TOR4A: variants seen among roughly 807,000 people sequenced by gnomAD.
TOR4A encodes the protein torsin-4A.
Under a neutral mutation model 11.5 loss-of-function variants are expected in TOR4A, and 12 were observed. The ratio of observed to expected loss-of-function variants is 1.04; its 90% CI spans 0.67 to 1.69. The LOEUF (loss-of-function observed/expected upper bound fraction) is 1.69. Among genes scored for constraint, TOR4A ranks in the 40% most tolerant of loss-of-function variants. TOR4A has a pLI of 0.00. For synonymous variants in TOR4A, 362 were observed against 307.4 expected, an observed-to-expected ratio of 1.18 and a Z score of -1.86; for missense variants, 640 against 643.2, an observed-to-expected ratio of 0.99 and a Z score of 0.05.
Position 137,279,180 on chromosome 9 carries a change from AGCCCGCT to A in TOR4A, c.495_501del (p.Ala166TyrfsTer7). 6.4e-7 allele frequency: 1 copy of A among 1,558,018 alleles called. No individual in the cohort carries two copies. The highest frequency in any genetic ancestry group is 8.7e-7 in the Non-Finnish European group (1 of 1,151,638). The stretch of plus-strand genomic sequence containing the variant: ...GCGCTGCAGCGCGCGGTGTTCGGCC[AGCCCGCT>A]GCCGTATCGCGCATCGTGGCGCTGA... On this transcript the variant is annotated frameshift_variant, in exon 2 of 2. Coordinates refer to ENST00000357503, the MANE Select transcript of TOR4A (RefSeq NM_017723.3). LOFTEE classifies it high-confidence loss of function.
At position 137,278,735 on chromosome 9, in the gene TOR4A, C is replaced by A; in HGVS notation, c.46C>A (p.Arg16=). The A allele has an allele frequency of 2.2e-6, 3 of 1,380,052 alleles. No homozygotes were observed. Among genetic ancestry groups the A allele is most frequent in the Non-Finnish European group, 2.8e-6 (3 of 1,072,518 alleles). The allele number at this position is 1,380,052 out of a possible 1,614,324, so 85.5% of individuals were successfully genotyped here. A position where few individuals can be genotyped will look rare whatever the true frequency, so the allele number is the denominator to read the frequency against. Residue 16 remains arginine, a synonymous_variant, in exon 2 of 2, where the codon CGA becomes AGA. Coordinates refer to ENST00000357503, the MANE Select transcript of TOR4A (RefSeq NM_017723.3). ...CCTGGAGCCTGCTGCCGCGGCCCCCCGAGCCTCGGGCCGGTGCGTGATCGC... is the reference window on the plus strand; with the variant it reads ...CCTGGAGCCTGCTGCCGCGGCCCCCAGAGCCTCGGGCCGGTGCGTGATCGC... The part of the protein sequence containing the change: ...PSLEPAAAAP[R]ASGRCVIAPV...
Position 137,278,865 on chromosome 9 carries a change from G to C in TOR4A, c.176G>C (p.Arg59Thr). ...CCCGACGTCGGGACCGGGGCGCCCA[G>C]GCCGGGCTGCAGCCCCCGGGCACCG... is the stretch of plus-strand genomic sequence containing the variant. Reference protein sequence around the residue: ...GGPDVGTGAPRPGCSPRAPRA... With the variant: ...GGPDVGTGAPTPGCSPRAPRA... The change falls in exon 2 of 2, where the codon AGG becomes ACG. Residue 59 changes from arginine (R) to threonine (T), a missense_variant. By Grantham distance (71) the Arg-to-Thr change is moderately conservative. Transcript: ENST00000357503. The C allele has an allele frequency of 6.5e-7, 1 of 1,532,856 alleles. No homozygotes were observed. The highest frequency in any genetic ancestry group is 1.2e-5 in the South Asian group (1 of 83,932). The allele number at this position is 1,532,856 out of a possible 1,614,324, so 95.0% of individuals were successfully genotyped here.
chr9:137,278,878 C>T lies in TOR4A; in HGVS notation c.189C>T (p.Ser63=), dbSNP rs914255807. 5 of 1,539,510 alleles carry T rather than the reference C, an allele frequency of 3.2e-6. No individual in the cohort carries two copies. The highest frequency in any genetic ancestry group is 1.4e-5 in the African/African-American group (1 of 72,988). Residue 63 remains serine (S), a synonymous_variant, in exon 2 of 2, where the codon AGC becomes AGT. Coordinates refer to ENST00000357503, the MANE Select transcript of TOR4A (RefSeq NM_017723.3). Reference sequence around the variant, plus strand: ...CCGGGGCGCCCAGGCCGGGCTGCAGCCCCCGGGCACCGCGCGCGGACCTGG... The same window carrying T: ...CCGGGGCGCCCAGGCCGGGCTGCAGTCCCCGGGCACCGCGCGCGGACCTGG... ...VGTGAPRPGC[S]PRAPRADLDQ...
chr9:137,278,716 G>A lies in TOR4A; in HGVS notation c.27G>A (p.Glu9=). The A allele has an allele frequency of 7.3e-7, 1 of 1,374,108 alleles. No homozygotes were observed. Among genetic ancestry groups the A allele is most frequent in the Non-Finnish European group, 9.3e-7 (1 of 1,070,680 alleles). The allele number at this position is 1,374,108 out of a possible 1,614,324, so 85.1% of individuals were successfully genotyped here. A position where few individuals can be genotyped will look rare whatever the true frequency, so the allele number is the denominator to read the frequency against. The change falls in exon 2 of 2, where the codon GAG becomes GAA. Residue 9 remains glutamate, a synonymous_variant. Coordinates refer to ENST00000357503, the MANE Select transcript of TOR4A (RefSeq NM_017723.3). The part of the protein sequence containing the change: MDRGQPSL[E]PAAAAPRASG... ...TGGACCGCGGCCAGCCCAGCCTGGAGCCTGCTGCCGCGGCCCCCCGAGCCT... is the reference window on the plus strand; with the variant it reads ...TGGACCGCGGCCAGCCCAGCCTGGAACCTGCTGCCGCGGCCCCCCGAGCCT...
chr9:137,279,605 G>A lies in TOR4A; in HGVS notation c.916G>A (p.Glu306Lys). ...YVLLSGAGGA[E>K]VTRFVLQNAS... Reference sequence around the variant, plus strand: ...GCTCCTCAGTGGCGCGGGTGGCGCCGAGGTCACGCGCTTCGTGCTGCAGAA... The same window carrying A: ...GCTCCTCAGTGGCGCGGGTGGCGCCAAGGTCACGCGCTTCGTGCTGCAGAA... Residue 306 changes from glutamate (E) to lysine (K), a missense_variant, in exon 2 of 2, where the codon GAG (glutamate) becomes AAG (lysine). Coordinates refer to ENST00000357503, the MANE Select transcript of TOR4A (RefSeq NM_017723.3). 1 of 1,566,244 alleles carries A rather than the reference G, an allele frequency of 6.4e-7. No individual in the cohort carries two copies. Among genetic ancestry groups the A allele is most frequent in the Non-Finnish European group, 8.6e-7 (1 of 1,160,126 alleles).
Position 137,279,274 on chromosome 9 carries a change from C to T in TOR4A, c.585C>T (p.Pro195=), listed in dbSNP as rs1830684548. ...CGCTCCTCCTGGCGCTGCACGGGCC[C>T]AGTGGCGTGGGCAAGAGCCACGTGG... The part of the protein sequence containing the change: ...SRPLLLALHG[P]SGVGKSHVGR... Residue 195 remains proline, a synonymous_variant, in exon 2 of 2, where the codon CCC becomes CCT. Coordinates refer to ENST00000357503, the MANE Select transcript of TOR4A (RefSeq NM_017723.3). 6.5e-7 allele frequency: 1 copy of T among 1,535,354 alleles called. No individual in the cohort carries two copies. Among genetic ancestry groups the T allele is most frequent in the Non-Finnish European group, 8.7e-7 (1 of 1,144,906 alleles).
rs1379220890 is a variant in TOR4A at position 137,279,337 on chromosome 9, G to GGACA, written c.650_653dup (p.Ser218ArgfsTer166). The GGACA allele has an allele frequency of 1.0e-5, 16 of 1,532,906 alleles. No individual in the cohort carries two copies. The highest frequency in any genetic ancestry group is 1.3e-5 in the Non-Finnish European group (15 of 1,144,250). The allele number at this position is 1,532,906 out of a possible 1,614,324, so 95.0% of individuals were successfully genotyped here. A position where few individuals can be genotyped will look rare whatever the true frequency, so the allele number is the denominator to read the frequency against. On this transcript the variant is annotated frameshift_variant, in exon 2 of 2. Coordinates refer to ENST00000357503, the MANE Select transcript of TOR4A (RefSeq NM_017723.3). LOFTEE classifies it low-confidence loss of function (END_TRUNC). ...CGCGCCACTTCCGCTCGGTGCTGGA[G>GGACA]GACAGCGCGCTCGTGCTGCAATACC... is the stretch of plus-strand genomic sequence containing the variant.
In TOR4A at chr9:137,279,712, C is replaced by A; in HGVS notation, c.1023C>A (p.Arg341=). The A allele has an allele frequency of 6.4e-7, 1 of 1,573,840 alleles. No individual in the cohort carries two copies. The highest frequency in any genetic ancestry group is 8.6e-7 in the Non-Finnish European group (1 of 1,166,430). ...CGGCGCAGGCGGAAGAAGACCTGCGCGCCAGCCTGCTGGCTGTGCTGTCCC... is the reference window on the plus strand; with the variant it reads ...CGGCGCAGGCGGAAGAAGACCTGCGAGCCAGCCTGCTGGCTGTGCTGTCCC... ...AAAAQAEEDL[R]ASLLAVLSRE... is the part of the protein sequence containing the mutation. The change falls in exon 2 of 2, where the codon CGC becomes CGA. Residue 341 remains arginine, a synonymous_variant. Transcript: ENST00000357503.
chr9:137,279,487 C>T lies in TOR4A; in HGVS notation c.798C>T (p.Asp266=). ...AEEKTPLLVL[D]DVELMPRPLL... ...AGAAGACCCCACTCTTGGTGCTGGA[C>T]GACGTGGAGCTCATGCCGCGGCCGC... The change falls in exon 2 of 2, where the codon GAC becomes GAT. Residue 266 remains aspartate, a synonymous_variant. Transcript: ENST00000357503. 6.4e-7 allele frequency: 1 copy of T among 1,564,110 alleles called. No individual in the cohort carries two copies. The highest frequency in any genetic ancestry group is 8.6e-7 in the Non-Finnish European group (1 of 1,156,424).
chr9:137,281,690 T>G lies in TOR4A; in HGVS notation c.*1729T>G, dbSNP rs1387102847. 6.5e-6 allele frequency: 1 copy of G among 153,494 alleles called. No individual in the cohort carries two copies. The highest frequency in any genetic ancestry group is 1.5e-5 in the Non-Finnish European group (1 of 66,826). The allele number at this position is 153,494 out of a possible 1,614,324, so 9.5% of individuals were successfully genotyped here. On this transcript the variant is annotated 3_prime_UTR_variant, in exon 2 of 2. Coordinates refer to ENST00000357503, the MANE Select transcript of TOR4A (RefSeq NM_017723.3). Reference sequence around the variant, plus strand: ...GGGTCCTGAGGACTCCCGCTGCTCCTGGAGTCTTGGGGAGGGGTCCGGCTC... The same window carrying G: ...GGGTCCTGAGGACTCCCGCTGCTCCGGGAGTCTTGGGGAGGGGTCCGGCTC...
At position 137,279,820 on chromosome 9, in the gene TOR4A, C is replaced by G. The variant is rs199688594; in HGVS notation, c.1131C>G (p.Asp377Glu). The G allele has an allele frequency of 2.6e-4, 420 of 1,598,374 alleles. No homozygotes were observed. The highest frequency in any genetic ancestry group is 3.4e-4 in the Non-Finnish European group (395 of 1,177,110). ...DKRDVVSCFR[D>E]EMAGEGFFPD... ...GGGATGTGGTCAGCTGCTTCCGGGA[C>G]GAGATGGCGGGTGAGGGCTTCTTTC... The change falls in exon 2 of 2, where the codon GAC becomes GAG. Residue 377 changes from aspartate to glutamate, a missense_variant. Physicochemically the swap from Asp to Glu is conservative, Grantham distance 45. Transcript: ENST00000357503.
rs756500552 is a variant in TOR4A at position 137,279,861 on chromosome 9, C to T, written c.1172C>T (p.Ala391Val). ...GGCTTCTTTCCTGACCAGGCCCGCGCGGAGAACCTGGCCGCGCAGCTCAGC... is the reference window on the plus strand; with the variant it reads ...GGCTTCTTTCCTGACCAGGCCCGCGTGGAGAACCTGGCCGCGCAGCTCAGC... ...GEGFFPDQARAENLAAQLSFY... is the reference protein window; with the variant it reads ...GEGFFPDQARVENLAAQLSFY... Residue 391 changes from alanine (A) to valine (V), a missense_variant, in exon 2 of 2, where the codon GCG becomes GTG. Physicochemically the swap from Ala to Val is moderately conservative, Grantham distance 64 (BLOSUM62 0). Transcript: ENST00000357503. 6 of 1,588,504 alleles carry T rather than the reference C, an allele frequency of 3.8e-6. No individual in the cohort carries two copies. The highest frequency in any genetic ancestry group is 1.1e-5 in the South Asian group (1 of 87,948).
intron 1 of TOR4A, among the ~76,000 whole-genome samples, chr9:137,278,311 C>T (rs1830668400): frequency 6.6e-6 from 1 of 152,172 alleles, no homozygotes; most frequent in African/African-American, 2.4e-5. Context: ...CCCCAGTGGG[C>T]GCCTGGGCGG....
Position 137,278,628 on chromosome 9 carries a change from G to T in TOR4A, c.-37-25G>T, listed in dbSNP as rs1052711257. ...GAAAGGGCAGTGGCGGGAGTCCAGA[G>T]ACCCTCCCCGTCTTCCCGTTGCAGG... On this transcript the variant is annotated intron_variant, in intron 1 of 1. Transcript: ENST00000357503. 1.0e-4 allele frequency: 130 copies of T among 1,246,470 alleles called. 2 individuals carry two copies. The African/African-American group carries it at 1.8e-3, about 17-fold the overall frequency. 77.2% of individuals were successfully genotyped at this position (1,246,470 alleles called of 1,614,324 possible).
At position 137,279,477 on chromosome 9, in the gene TOR4A, T is replaced by C; in HGVS notation, c.788T>C (p.Leu263Ser). Reference protein sequence around the residue: ...RAEAEEKTPLLVLDDVELMPR... With the variant: ...RAEAEEKTPLSVLDDVELMPR... ...GAAGCGGAGGAGAAGACCCCACTCT[T>C]GGTGCTGGACGACGTGGAGCTCATG... The change falls in exon 2 of 2, where the codon TTG (leucine) becomes TCG (serine). Residue 263 changes from leucine (L) to serine (S), a missense_variant. Coordinates refer to ENST00000357503, the MANE Select transcript of TOR4A (RefSeq NM_017723.3). 1 of 1,558,506 alleles carries C rather than the reference T, an allele frequency of 6.4e-7. No individual in the cohort carries two copies.
rs1236286923 is a variant in TOR4A, at chr9:137,279,019, G to A, written c.330G>A (p.Arg110=). ...ACCCGGAGACCTCGCGCAAGTATCG[G>A]CCGCGCGTGGAGCACAGGAGCCGCG... ...VLYPETSRKY[R]PRVEHRSRAQ... Residue 110 remains arginine, a synonymous_variant, in exon 2 of 2, where the codon CGG becomes CGA. Transcript: ENST00000357503. 6.2e-7 allele frequency: 1 copy of A among 1,604,646 alleles called. No individual in the cohort carries two copies. Among genetic ancestry groups the A allele is most frequent in the South Asian group, 1.1e-5 (1 of 89,590 alleles).
At position 137,281,977 on chromosome 9, in the gene TOR4A, GGT is replaced by G. The variant is rs1270961721; in HGVS notation, c.*2021_*2022del. On this transcript the variant is annotated 3_prime_UTR_variant, in exon 2 of 2. Transcript: ENST00000357503. ...GTAACAGAGAGAGCTGCAGAGTGGG[GGT>G]GTGTTTGCCAGTCCCTGCATGGGTG... 1 of 167,222 alleles carries G rather than the reference GGT, an allele frequency of 6.0e-6. No individual in the cohort carries two copies. Among genetic ancestry groups the G allele is most frequent in the Non-Finnish European group, 1.5e-5 (1 of 68,248 alleles). The allele number at this position is 167,222 out of a possible 1,614,324, so 10.4% of individuals were successfully genotyped here.
At position 137,279,544 on chromosome 9, in the gene TOR4A, G is replaced by T; in HGVS notation, c.855G>T (p.Pro285=). Residue 285 remains proline (P), a synonymous_variant, in exon 2 of 2, where the codon CCG becomes CCT. Transcript: ENST00000357503. Reference sequence around the variant, plus strand: ...ACGAGCTGCACGGCTTCCTGCAGCCGCAGCGCTCCCACCACTTCCACAACG... The same window carrying T: ...ACGAGCTGCACGGCTTCCTGCAGCCTCAGCGCTCCCACCACTTCCACAACG... The part of the protein sequence containing the change: ...LLDELHGFLQ[P]QRSHHFHNAI... The T allele has an allele frequency of 6.3e-7, 1 of 1,587,090 alleles. No individual in the cohort carries two copies. The highest frequency in any genetic ancestry group is 8.5e-7 in the Non-Finnish European group (1 of 1,170,484).
At position 137,278,675 on chromosome 9, in the gene TOR4A, C is replaced by T. The variant is rs1038924436; in HGVS notation, c.-15C>T. The stretch of plus-strand genomic sequence containing the variant: ...CAGGGAGGGCGACCTGTATGCGGAG[C>T]GCCGTTCCTGCGACATGGACCGCGG... On this transcript the variant is annotated 5_prime_UTR_variant, in exon 2 of 2. Coordinates refer to ENST00000357503, the MANE Select transcript of TOR4A (RefSeq NM_017723.3). 7 of 1,329,434 alleles carry T rather than the reference C, an allele frequency of 5.3e-6. No individual in the cohort carries two copies. In the African/African-American group the frequency reaches 9.2e-5, roughly 18 times the overall value. The allele number at this position is 1,329,434 out of a possible 1,614,324, so 82.4% of individuals were successfully genotyped here. A position where few individuals can be genotyped will look rare whatever the true frequency, so the allele number is the denominator to read the frequency against.
Sources: gnomAD v4.1 joint callset for allele counts (sites outside exome capture counted in the v4.1 genomes callset) on GRCh38, gnomAD v4.1.1 for gene constraint, MANE v1.5 for transcripts, NCBI Gene and HGNC (gene_info 2026-07-23, HGNC 2026-07-21) for gene names.